The following GEMIN5 variants were observed in gnomAD, a reference collection of about 807,000 sequenced individuals.
The protein encoded by GEMIN5 is gem nuclear organelle associated protein 5.
A neutral mutation model predicts 176.9 loss-of-function variants in GEMIN5; 124 were observed. The ratio of observed to expected loss-of-function variants is 0.70; its 90% CI spans 0.61 to 0.81. The LOEUF (loss-of-function observed/expected upper bound fraction) is 0.81. GEMIN5 is among the 40% of genes least tolerant of loss of function. The pLI is 0.00. For missense variants in GEMIN5, 1,843 were observed against 1,814.6 expected (o/e 1.02, Z -0.28); for synonymous variants, 673 against 665.2 (o/e 1.01, Z -0.18).
chr5:154,909,722 T>C (rs1763653448), intron 15 of GEMIN5, among the ~76,000 whole-genome samples: 1 of 152,172 alleles, frequency 6.6e-6, no homozygotes, highest in African/African-American at 2.4e-5. Context: ...CTCATGCCTA[T>C]AATCCCAGCA....
At position 154,899,186 on chromosome 5, in the gene GEMIN5, C is replaced by T. The variant is rs1466721930; in HGVS notation, c.3134+5G>A. 1.9e-6 allele frequency: 3 copies of T among 1,609,156 alleles called. No homozygotes were observed. Among genetic ancestry groups the T allele is most frequent in the East Asian group, 2.2e-5 (1 of 44,740 alleles). ...TGGAAGCATCCCTCCACTCCTCAGG[C>T]TTACCATTTGGCAGCTACAGCATAG... On this transcript the variant is annotated splice_donor_5th_base_variant and intron_variant, in intron 22 of 27. Transcript: ENST00000285873.
At chr5:154,925,200 T>C (rs1764005155) in intron 8 of GEMIN5, among the ~76,000 whole-genome samples, 1 of 152,220 alleles carries the variant, frequency 6.6e-6, no homozygotes, top group Admixed American at 6.5e-5. Flanking sequence ...TGGAAGAATT[T>C]AGAAAATACA....
chr5:154,888,228 G>T lies in GEMIN5; in HGVS notation c.4509C>A (p.Cys1503Ter). 1 of 1,614,092 alleles carries T rather than the reference G, an allele frequency of 6.2e-7. No homozygotes were observed. Among genetic ancestry groups the T allele is most frequent in the Non-Finnish European group, 8.5e-7 (1 of 1,179,978 alleles). ...TGAAAATTCACATACAGAAGGTCTG[G>T]CAGTGTCTTCTGTAAGTTTTCGTGT... ...YGNTKTYRRHCQTFCM is the reference protein window; with the variant it reads ...YGNTKTYRRH The change falls in exon 28 of 28, where the codon TGC becomes TGA. Residue 1503 changes from cysteine (C) to a stop codon, truncating the protein, a stop_gained. Transcript: ENST00000285873. LOFTEE classifies it high-confidence loss of function.
At chr5:154,900,703 C>T (rs948641629) in intron 21 of GEMIN5, among the ~76,000 whole-genome samples, 2 of 152,134 alleles carry the variant, frequency 1.3e-5, no homozygotes, top group Non-Finnish European at 2.9e-5. Flanking sequence ...CCTGGAGATC[C>T]CATTGAGTCT....
At chr5:154,931,989 A>G in intron 4 of GEMIN5, 110 bp downstream of exon 4, 1 of 926,290 alleles carries the variant, frequency 1.1e-6, no homozygotes, top group Non-Finnish European at 1.6e-6. Flanking sequence ...TAGGCAACAA[A>G]AGCAAAACTC....
intron 3 of GEMIN5, 47 bp from the exon 4 acceptor site, chr5:154,932,297 C>A: frequency 7.1e-7 from 1 of 1,407,616 alleles, no homozygotes; most frequent in Non-Finnish European, 9.9e-7. Flanking sequence ...GAAGACAGAA[C>A]AGAGTCTCTA....
chr5:154,916,463 A>G (rs1218177404), intron 13 of GEMIN5, among the ~76,000 whole-genome samples: 4 of 152,086 alleles, frequency 2.6e-5, no homozygotes, highest in Non-Finnish European at 5.9e-5. Flanking sequence ...TTATTGAATG[A>G]TGAAATTTTA....
rs1582658387 is a variant in GEMIN5, at chr5:154,905,451, A to G, written c.2421T>C (p.Thr807=). 6.3e-7 allele frequency: 1 copy of G among 1,595,314 alleles called. No homozygotes were observed. The change falls in exon 17 of 28, where the codon ACT becomes ACC. Residue 807 remains threonine, a synonymous_variant. Transcript: ENST00000285873. ...PAVSREPVIC[T]PVSSGFEKSK... ...ACTTTTCAAAGCCTGAGGAAACTGG[A>G]GTGCAGATAACTGGTTCTCTAGAAA...
intron 25 of GEMIN5, 126 bp from the exon 26 acceptor site, chr5:154,891,868 G>C: frequency 1.1e-6 from 1 of 895,774 alleles, no homozygotes; most frequent in African/African-American, 1.7e-5. Flanking sequence ...ACAACAGTGT[G>C]ATCCACCGGG....
At chr5:154,913,298 G>A (rs369256553) in intron 13 of GEMIN5, among the ~76,000 whole-genome samples, 1 of 152,196 alleles carries the variant, frequency 6.6e-6, no homozygotes, top group African/African-American at 2.4e-5. Context: ...CCCAAGTCTA[G>A]GTGATTTTTA....
rs377551670 is a variant in GEMIN5, at chr5:154,892,547, G to A, written c.3600C>T (p.Leu1200=). ...SATNNTPAKQ[L]LLHICHDLTL... ...TCAAGTCATGGCAAATGTGAAGCAG[G>A]AGCTGGAGAGAGAAGCCAGAGTCTG... is the stretch of plus-strand genomic sequence containing the variant. The change falls in exon 25 of 28, where the codon CTC becomes CTT. Residue 1200 remains leucine, a splice_region_variant and synonymous_variant. Coordinates refer to ENST00000285873, the MANE Select transcript of GEMIN5 (RefSeq NM_015465.5). 5.0e-6 allele frequency: 8 copies of A among 1,613,220 alleles called. No individual in the cohort carries two copies. The highest frequency in any genetic ancestry group is 2.2e-5 in the East Asian group (1 of 44,868).
At chr5:154,933,527 T>C (rs984948769) in intron 3 of GEMIN5, among the ~76,000 whole-genome samples, 1 of 152,230 alleles carries the variant, frequency 6.6e-6, no homozygotes, top group South Asian at 2.1e-4. Context: ...TAAGACAATT[T>C]CAGGTTTGAT....
At position 154,896,490 on chromosome 5, in the gene GEMIN5, T is replaced by C; in HGVS notation, c.3346-147A>G. The C allele has an allele frequency of 7.0e-6, 5 of 715,936 alleles. No individual in the cohort carries two copies. In the South Asian group the frequency reaches 1.1e-4, roughly 16 times the overall value. The allele number at this position is 715,936 out of a possible 1,614,324, so 44.3% of individuals were successfully genotyped here. The stretch of plus-strand genomic sequence containing the variant: ...TGAGCTACCTGCCCCATATGAGTCA[T>C]GCATGAAAAGAGACAAAAGGGGCGA... On this transcript the variant is annotated intron_variant, in intron 23 of 27. Transcript: ENST00000285873.
rs200397120 is a variant in GEMIN5, at chr5:154,899,298, C to A, written c.3027G>T (p.Ala1009=). 14 of 1,610,800 alleles carry A rather than the reference C, an allele frequency of 8.7e-6. No individual in the cohort carries two copies. The highest frequency in any genetic ancestry group is 1.6e-4 in the Middle Eastern group (1 of 6,084). The change falls in exon 22 of 28, where the codon GCG becomes GCT. Residue 1009 remains alanine (A), a synonymous_variant. Coordinates refer to ENST00000285873, the MANE Select transcript of GEMIN5 (RefSeq NM_015465.5). ...CCGGGCGCAGCCGGGCCTTGGCAATCGCAATAGCTTCCCTAAAGGCAAGAA... is the reference window on the plus strand; with the variant it reads ...CCGGGCGCAGCCGGGCCTTGGCAATAGCAATAGCTTCCCTAAAGGCAAGAA... The part of the protein sequence containing the change: ...KSNHFYREAI[A]IAKARLRPED...
chr5:154,921,527 T>C (rs1763921214), intron 9 of GEMIN5, 102 bp from the exon 10 acceptor site: 1 of 655,844 alleles, frequency 1.5e-6, no homozygotes, highest in Non-Finnish European at 2.7e-6. Flanking sequence ...TAAACATAAC[T>C]ACTAATAATT....
chr5:154,925,528 A>G (rs1764011058), intron 8 of GEMIN5, among the ~76,000 whole-genome samples: 1 of 152,216 alleles, frequency 6.6e-6, no homozygotes. Flanking sequence ...ACATCAAGGA[A>G]GAAGGAATCT....
At position 154,896,354 on chromosome 5, in the gene GEMIN5, A is replaced by G; in HGVS notation, c.3346-11T>C. 6.4e-7 allele frequency: 1 copy of G among 1,553,420 alleles called. No individual in the cohort carries two copies. Among genetic ancestry groups the G allele is most frequent in the Non-Finnish European group, 8.7e-7 (1 of 1,153,824 alleles). ...CACCAATCTCTGACCCTGGAACACG[A>G]CAACAAGGAAGAGGAACTGTTATAC... On this transcript the variant is annotated splice_polypyrimidine_tract_variant and intron_variant, in intron 23 of 27. Transcript: ENST00000285873.
At position 154,937,186 on chromosome 5, in the gene GEMIN5, CT is replaced by C. The variant is rs757643066; in HGVS notation, c.167-2del. 8 of 1,597,712 alleles carry C rather than the reference CT, an allele frequency of 5.0e-6. No individual in the cohort carries two copies. The highest frequency in any genetic ancestry group is 1.3e-5 in the African/African-American group (1 of 74,400). ...GTGTGTCCCACCAACTCTCCTATGA[CT>C]TTAAGCAAAACCAGACGCTAGGTTA... On this transcript the variant is annotated splice_acceptor_variant, in intron 1 of 27. Coordinates refer to ENST00000285873, the MANE Select transcript of GEMIN5 (RefSeq NM_015465.5). LOFTEE classifies it high-confidence loss of function.
chr5:154,920,205 G>C (rs745596266), intron 10 of GEMIN5, 102 bp from the exon 11 acceptor site: 6 of 799,066 alleles, frequency 7.5e-6, no homozygotes, highest in Non-Finnish European at 1.1e-5. Flanking sequence ...TGTTTTAAAA[G>C]AACTATATAT....
Sources: gnomAD v4.1 joint callset for allele counts (sites outside exome capture counted in the v4.1 genomes callset) on GRCh38, gnomAD v4.1.1 for gene constraint, MANE v1.5 for transcripts, NCBI Gene and HGNC (gene_info 2026-07-23, HGNC 2026-07-21) for gene names.